NUP160: variants seen among roughly 807,000 people sequenced by gnomAD.
NUP160 encodes nuclear pore complex protein Nup160.
A neutral mutation model predicts 196.9 loss-of-function variants in NUP160; 94 were observed. That is an observed-to-expected ratio of 0.48 (90% CI 0.40 to 0.57). The LOEUF (loss-of-function observed/expected upper bound fraction) is 0.57, where lower values mean the gene tolerates loss of function less well. NUP160 is among the 20% of genes least tolerant of loss of function. NUP160 has a pLI of 0.00. For missense variants in NUP160, 1,638 were observed against 1,748.3 expected, an observed-to-expected ratio of 0.94 and a Z score of 1.13; for synonymous variants, 605 against 619.7, an observed-to-expected ratio of 0.98 and a Z score of 0.35.
chr11:47,812,916 C>T, exon 15 of NUP160: 1 of 1,613,622 alleles, frequency 6.2e-7, no homozygotes, highest in Non-Finnish European at 8.5e-7. Context: ...AGAATCTGCT[C>T]TGCAGCCTTT....
chr11:47,836,113 TG>T (rs988858182), intron 6 of NUP160, among the ~76,000 whole-genome samples: 1 of 152,156 alleles, frequency 6.6e-6, no homozygotes, highest in African/African-American at 2.4e-5. Flanking sequence ...CCAGGTGCAG[TG>T]GTGCATGCCT....
chr11:47,793,484 A>G (rs2097669073), intron 27 of NUP160, among the ~76,000 whole-genome samples: 1 of 152,062 alleles, frequency 6.6e-6, no homozygotes, highest in Non-Finnish European at 1.5e-5. Flanking sequence ...GGAAAACAGT[A>G]TGGCAGTTCC....
rs1407473528 is a variant in NUP160 at position 47,783,129 on chromosome 11, C to T, written c.4060G>A (p.Val1354Met). ...AATACAGCATCCACATATTCTGACA[C>T]CAAATCCACAGCTTCTTCTAAAAGG... Residue 1354 changes from valine (V) to methionine (M), a missense_variant, in exon 34 of 36, where the codon GTG becomes ATG. Physicochemically the swap from Val to Met is conservative, Grantham distance 21. This residue lies in a region of NUP160 where 1,345 missense variants were observed against 1,470.2 expected (regional missense o/e 0.91). Coordinates refer to ENST00000378460, the Ensembl canonical transcript of NUP160. 4 of 1,613,870 alleles carry T rather than the reference C, an allele frequency of 2.5e-6. No homozygotes were observed. The African/African-American group carries it at 4.0e-5, about 16-fold the overall frequency.
chr11:47,804,230 C>T (rs1372596694), intron 21 of NUP160: 3 of 211,970 alleles, frequency 1.4e-5, no homozygotes, highest in South Asian at 1.4e-4. Context: ...AGGAATTATA[C>T]TGTCCAGAGA....
At position 47,818,144 on chromosome 11, in the gene NUP160, A is replaced by G. The variant is rs373082664; in HGVS notation, c.1363-20T>C. 1.3e-6 allele frequency: 2 copies of G among 1,545,238 alleles called. No homozygotes were observed. The highest frequency in any genetic ancestry group is 2.7e-5 in the African/African-American group (2 of 73,308). On this transcript the variant is annotated intron_variant, in intron 10 of 35. Transcript: ENST00000378460. ...CATCTCCTATTAGAACATTAAAACA[A>G]AAGTTACTATTGTCCTAAACAAAAT...
intron 18 of NUP160, 25 bp downstream of exon 18, chr11:47,808,370 TA>T (rs2097678990): frequency 6.3e-7 from 1 of 1,588,400 alleles, no homozygotes. Flanking sequence ...ATTTACATTT[TA>T]AATAATTGGG....
At chr11:47,844,960 A>T (rs964711847) in intron 2 of NUP160, among the ~76,000 whole-genome samples, 2 of 152,070 alleles carry the variant, frequency 1.3e-5, no homozygotes, top group African/African-American at 4.8e-5. Context: ...TCACTGCTAC[A>T]CTCCCATCAA....
rs1157946347 is a variant in NUP160, at chr11:47,841,714, CAG to C, written c.315-1128_315-1127del. On this transcript the variant is annotated intron_variant, in intron 2 of 35. Transcript: ENST00000378460. ...TTGTTTGTTTGTTTTTTTTTTGAGA[CAG>C]GGTCTCACTCTGTCAGGCTGGGGTG... is the stretch of plus-strand genomic sequence containing the variant. 1.5e-5 allele frequency: 4 copies of C among 269,048 alleles called. No homozygotes were observed. The East Asian group carries it at 4.1e-4, about 27-fold the overall frequency. 16.7% of individuals were successfully genotyped at this position (269,048 alleles called of 1,614,324 possible).
At chr11:47,830,526 A>G (rs1381433545) in intron 7 of NUP160, among the ~76,000 whole-genome samples, 1 of 152,244 alleles carries the variant, frequency 6.6e-6, no homozygotes, top group Non-Finnish European at 1.5e-5. Flanking sequence ...ATATGCAGCC[A>G]CAAAAAAGAA....
chr11:47,796,175 G>T, intron 27 of NUP160: 5 of 281,790 alleles, frequency 1.8e-5, no homozygotes, highest in East Asian at 5.8e-5. Context: ...AAAAAAAAAG[G>T]AGCAGCTGCG....
At chr11:47,839,657 T>C in intron 4 of NUP160, 186 bp downstream of exon 4, 1 of 603,870 alleles carries the variant, frequency 1.7e-6, no homozygotes, top group Non-Finnish European at 2.9e-6. Context: ...CGTGCTCCAA[T>C]ATGCTTTATA....
At chr11:47,816,810 TTTG>T (rs1851736689) in intron 11 of NUP160, among the ~76,000 whole-genome samples, 1 of 151,856 alleles carries the variant, frequency 6.6e-6, no homozygotes, top group East Asian at 1.9e-4. Context: ...TATGTAACTT[TTTG>T]TTGTTGTTTT....
Position 47,812,835 on chromosome 11 carries a change from A to G in NUP160, c.1952+47T>C, listed in dbSNP as rs1453776678. 12 of 1,536,496 alleles carry G rather than the reference A, an allele frequency of 7.8e-6. No individual in the cohort carries two copies. The Middle Eastern group carries it at 5.1e-4, about 65-fold the overall frequency. On this transcript the variant is annotated intron_variant, in intron 15 of 35. Coordinates refer to ENST00000378460, the Ensembl canonical transcript of NUP160. The stretch of plus-strand genomic sequence containing the variant: ...TAAAATTCCAACTTTGGCGCTAAAA[A>G]TGCTGAATTTCCATTAGGAAATGCA...
chr11:47,785,012 T>G (rs978560129), exon 33 of NUP160: 1 of 1,602,532 alleles, frequency 6.2e-7, no homozygotes, highest in Non-Finnish European at 8.5e-7. Flanking sequence ...TATTCTGGAC[T>G]TTGTACCTCT....
At chr11:47,779,232 C>T (rs2097659245) in intron 35 of NUP160, 38 bp from the exon 36 acceptor site, 1 of 1,309,718 alleles carries the variant, frequency 7.6e-7, no homozygotes, top group Non-Finnish European at 1.1e-6. Flanking sequence ...CATAACAGCT[C>T]AACAATGGAA....
chr11:47,781,639 T>C (rs571971041), intron 34 of NUP160, among the ~76,000 whole-genome samples: 1 of 152,160 alleles, frequency 6.6e-6, no homozygotes, highest in African/African-American at 2.4e-5. Flanking sequence ...GCCATCTGTA[T>C]GAGCCTGTGA....
At chr11:47,840,473 C>A (rs1414430328) in exon 3 of NUP160, 1 of 1,614,028 alleles carries the variant, frequency 6.2e-7, no homozygotes, top group East Asian at 2.2e-5. Flanking sequence ...GTCTCAGAGA[C>A]ATAAACCCCT....
chr11:47,781,087 T>A (rs1459002727), intron 34 of NUP160, among the ~76,000 whole-genome samples: 8 of 151,770 alleles, frequency 5.3e-5, no homozygotes, highest in Non-Finnish European at 1.0e-4. Flanking sequence ...TAGCCAGGTG[T>A]GGTGGCACAG....
chr11:47,827,757 G>A (rs1599339285), intron 7 of NUP160, among the ~76,000 whole-genome samples: 1 of 150,580 alleles, frequency 6.6e-6, no homozygotes, highest in African/African-American at 2.4e-5. Context: ...CATTGTACTA[G>A]AGGATCTAGC....
Sources: allele counts gnomAD v4.1 joint callset (sites outside exome capture counted in the v4.1 genomes callset), GRCh38; gene constraint gnomAD v4.1.1; regional missense constraint gnomAD v4.1.1; transcripts MANE v1.5; gene names NCBI Gene and HGNC (gene_info 2026-07-23, HGNC 2026-07-21).